HMCN1: variants seen among roughly 807,000 people sequenced by gnomAD.
HMCN1 encodes hemicentin 1.
Under a neutral mutation model 625.9 loss-of-function variants are expected in HMCN1, and 321 were observed. That is an observed-to-expected ratio of 0.51 (90% confidence interval 0.47 to 0.56). The LOEUF (loss-of-function observed/expected upper bound fraction) is 0.56. Among genes scored for constraint, HMCN1 ranks in the 20% least tolerant of loss-of-function variants. The pLI, the probability that HMCN1 is intolerant of heterozygous loss-of-function variation, is 0.00. For synonymous variants in HMCN1, 2,425 were observed against 2,417.6 expected (o/e 1.00, Z -0.09); for missense variants, 6,588 against 6,887.3 (o/e 0.96, Z 1.54).
chr1:185,818,992 A>T (rs1041530859), intron 1 of HMCN1, among the ~76,000 whole-genome samples: 3 of 151,550 alleles, frequency 2.0e-5, no homozygotes, highest in Non-Finnish European at 4.4e-5. Context: ...TAATCCCAGC[A>T]CTTTGGGAGG....
intron 103 of HMCN1, among the ~76,000 whole-genome samples, chr1:186,174,988 A>C (rs934724969): frequency 1.5e-4 from 23 of 152,242 alleles, no homozygotes; most frequent in African/African-American, 5.5e-4. Context: ...TTGCATAGAT[A>C]CATTTTATTT....
At chr1:185,901,199 AC>A (rs780940757) in intron 4 of HMCN1, among the ~76,000 whole-genome samples, 2 of 151,868 alleles carry the variant, frequency 1.3e-5, no homozygotes, top group Non-Finnish European at 2.9e-5. Flanking sequence ...TTACATAGTC[AC>A]AATTATACTC....
intron 64 of HMCN1, among the ~76,000 whole-genome samples, chr1:186,092,208 T>A (rs1261167639): frequency 6.6e-6 from 1 of 151,922 alleles, no homozygotes; most frequent in Non-Finnish European, 1.5e-5. Context: ...ATGTATAGAT[T>A]TGTAGGTAGT....
rs572872899 is a variant in HMCN1 at position 185,970,379 on chromosome 1, C to T, written c.2257C>T (p.Leu753Phe). 9.9e-6 allele frequency: 16 copies of T among 1,613,730 alleles called. No individual in the cohort carries two copies. Among genetic ancestry groups the T allele is most frequent in the Admixed American group, 1.7e-5 (1 of 60,002 alleles). ...RPSTFLIIDPLLGLLKIQETQ... is the reference protein window; with the variant it reads ...RPSTFLIIDPFLGLLKIQETQ... Reference sequence around the variant, plus strand: ...CTCAACATTCCTCATTATTGACCCTCTCTTGGGACTTTTGAAGATTCAAGA... The same window carrying T: ...CTCAACATTCCTCATTATTGACCCTTTCTTGGGACTTTTGAAGATTCAAGA... The change falls in exon 15 of 107, where the codon CTC becomes TTC. Residue 753 changes from leucine to phenylalanine, a missense_variant. Physicochemically the swap from Leu to Phe is conservative, Grantham distance 22. Coordinates refer to ENST00000271588, the MANE Select transcript of HMCN1 (RefSeq NM_031935.3).
chr1:185,904,104 C>G (rs1665962003), intron 4 of HMCN1, among the ~76,000 whole-genome samples: 1 of 151,896 alleles, frequency 6.6e-6, no homozygotes, highest in East Asian at 1.9e-4. Flanking sequence ...TGACCTGAAT[C>G]TTTCAAATGA....
chr1:186,160,034 G>C (rs1476133785), intron 97 of HMCN1, among the ~76,000 whole-genome samples: 1 of 151,262 alleles, frequency 6.6e-6, no homozygotes, highest in Non-Finnish European at 1.5e-5. Flanking sequence ...GAATTCGGCT[G>C]TGAATCCATC....
At chr1:185,750,614 C>T (rs1295946567) in intron 1 of HMCN1, among the ~76,000 whole-genome samples, 1 of 152,116 alleles carries the variant, frequency 6.6e-6, no homozygotes, top group Admixed American at 6.5e-5. Flanking sequence ...TTTTGCTTGG[C>T]ATTAATAATA....
At position 186,144,652 on chromosome 1, in the gene HMCN1, T is replaced by C; in HGVS notation, c.14215T>C (p.Cys4739Arg). Residue 4739 changes from cysteine (C) to arginine (R), a missense_variant, in exon 91 of 107, where the codon TGC becomes CGC. Physicochemically the swap from Cys to Arg is radical, Grantham distance 180. Transcript: ENST00000271588. ...DPVPQYGGRK[C>R]EGSDVQSDFC... ...TGTGCCCCAGTATGGAGGAAGGAAATGCGAAGGGAGTGATGTCCAGAGTGA... is the reference window on the plus strand; with the variant it reads ...TGTGCCCCAGTATGGAGGAAGGAAACGCGAAGGGAGTGATGTCCAGAGTGA... 6.2e-7 allele frequency: 1 copy of C among 1,614,018 alleles called. No homozygotes were observed.
At chr1:185,972,539 T>A (rs1650903527) in intron 15 of HMCN1, among the ~76,000 whole-genome samples, 2 of 152,194 alleles carry the variant, frequency 1.3e-5, no homozygotes, top group South Asian at 4.1e-4. Context: ...CAATGGCTTT[T>A]CAACTTTTAT....
At chr1:186,052,446 CAGA>C (rs1657018999) in intron 42 of HMCN1, among the ~76,000 whole-genome samples, 1 of 152,064 alleles carries the variant, frequency 6.6e-6, no homozygotes, top group African/African-American at 2.4e-5. Context: ...AGTAGAGAAG[CAGA>C]CTGTGCAATC....
At chr1:185,851,973 TA>T (rs1558015381) in intron 2 of HMCN1, among the ~76,000 whole-genome samples, 1 of 152,006 alleles carries the variant, frequency 6.6e-6, no homozygotes, top group African/African-American at 2.4e-5. Context: ...ATTGACTTTT[TA>T]AAAAAGTAGG....
chr1:186,093,623 C>A lies in HMCN1; in HGVS notation c.10150C>A (p.Pro3384Thr), dbSNP rs747160879. 8 of 1,613,302 alleles carry A rather than the reference C, an allele frequency of 5.0e-6. No homozygotes were observed. The highest frequency in any genetic ancestry group is 6.8e-6 in the Non-Finnish European group (8 of 1,179,598). The change falls in exon 66 of 107, where the codon CCT becomes ACT. Residue 3384 changes from proline (P) to threonine (T), a missense_variant. Physicochemically the swap from Pro to Thr is conservative, Grantham distance 38 (BLOSUM62 -1). Around this residue, in one of 3 missense-constraint regions of HMCN1, gnomAD observed 4,628 missense variants for 4,853.1 expected, o/e 0.95. Coordinates refer to ENST00000271588, the MANE Select transcript of HMCN1 (RefSeq NM_031935.3). Reference sequence around the variant, plus strand: ...CTGGCTGAAGAATGGACTTCCTCTGCCTCTCTCCTCCCATATCCGGTTACT... The same window carrying A: ...CTGGCTGAAGAATGGACTTCCTCTGACTCTCTCCTCCCATATCCGGTTACT... The part of the protein sequence containing the change: ...INWLKNGLPL[P>T]LSSHIRLLAA...
Position 186,144,285 on chromosome 1 carries a change from G to A in HMCN1, c.14037G>A (p.Gly4679=). ...ATAACCCACCACCAGCGTTTGGTGG[G>A]TCCTACTGTGATGGAGCAGAAACAC... ...LCNNPPPAFG[G]SYCDGAETQM... is the part of the protein sequence containing the mutation. Residue 4679 remains glycine (G), a synonymous_variant, in exon 90 of 107, where the codon GGG becomes GGA. Coordinates refer to ENST00000271588, the MANE Select transcript of HMCN1 (RefSeq NM_031935.3). The A allele has an allele frequency of 1.2e-6, 2 of 1,613,990 alleles. No homozygotes were observed. The highest frequency in any genetic ancestry group is 1.7e-6 in the Non-Finnish European group (2 of 1,179,990).
intron 43 of HMCN1, 39 bp from the exon 44 acceptor site, chr1:186,053,786 A>G (rs745637737): frequency 6.2e-7 from 1 of 1,607,590 alleles, no homozygotes; most frequent in East Asian, 2.2e-5. Flanking sequence ...AATGCTTTAC[A>G]TTTCTGCCTC....
At chr1:186,120,362 A>G (rs544719311) in intron 80 of HMCN1, among the ~76,000 whole-genome samples, 23 of 152,322 alleles carry the variant, frequency 1.5e-4, no homozygotes, top group Middle Eastern at 3.4e-3. Context: ...ACAGGCATCT[A>G]ATCCTATTTT....
rs1657731032 is a variant in HMCN1 at position 186,061,920 on chromosome 1, A to G, written c.7382A>G (p.Asn2461Ser). The G allele has an allele frequency of 2.5e-6, 4 of 1,612,406 alleles. No homozygotes were observed. The highest frequency in any genetic ancestry group is 3.4e-6 in the Non-Finnish European group (4 of 1,178,658). ...GGCCAATATACTTGCGTTGTAAGGA[A>G]TGCAGCTGGTGAAGAAAGAAAAATC... The part of the protein sequence containing the change: ...DAGQYTCVVR[N>S]AAGEERKIFG... Residue 2461 changes from asparagine to serine, a missense_variant, in exon 47 of 107, where the codon AAT becomes AGT. Coordinates refer to ENST00000271588, the MANE Select transcript of HMCN1 (RefSeq NM_031935.3).
At position 186,105,936 on chromosome 1, in the gene HMCN1, C is replaced by T. The variant is rs145388342; in HGVS notation, c.10771-948C>T. ...CAGAAATTATTCTTAGGAAATGGCA[C>T]ATCATTTTAAAATTCTTAATTGAAT... On this transcript the variant is annotated intron_variant, in intron 69 of 106. Coordinates refer to ENST00000271588, the MANE Select transcript of HMCN1 (RefSeq NM_031935.3). Among the ~76,000 whole-genome samples, 123 of 152,262 alleles carry T rather than the reference C, an allele frequency of 8.1e-4. 8 individuals are homozygous for T. The East Asian group carries it at 0.015, about 18-fold the overall frequency.
In HMCN1 at chr1:185,973,912, A is replaced by G. The variant is rs544870750; in HGVS notation, c.2371+3419A>G. The stretch of plus-strand genomic sequence containing the variant: ...TTGGTGGAACCAAAACAATGTGTCC[A>G]GTCATTTTAGGAAAGAAAATCTCTG... On this transcript the variant is annotated intron_variant, in intron 15 of 106. Transcript: ENST00000271588. Among the ~76,000 whole-genome samples the G allele has an allele frequency of 7.9e-5, 12 of 152,296 alleles. No homozygotes were observed. In the South Asian group the frequency reaches 2.5e-3, roughly 32 times the overall value.
At chr1:186,078,898 A>C (rs1248081536) in intron 55 of HMCN1, among the ~76,000 whole-genome samples, 1 of 152,230 alleles carries the variant, frequency 6.6e-6, no homozygotes. Flanking sequence ...GTGACATAAC[A>C]ATTAACATAG....
Sources: allele counts gnomAD v4.1 joint callset (sites outside exome capture counted in the v4.1 genomes callset), GRCh38; gene constraint gnomAD v4.1.1; regional missense constraint gnomAD v4.1.1; transcripts MANE v1.5; gene names NCBI Gene and HGNC (gene_info 2026-07-23, HGNC 2026-07-21).